VPS26C: variants seen among roughly 807,000 people sequenced by gnomAD.
VPS26C encodes vacuolar protein sorting-associated protein 26C.
In VPS26C, 19 loss-of-function variants were observed where a neutral mutation model predicts 30.6. The observed-to-expected ratio is 0.62, with a 90% CI of 0.43 to 0.91. VPS26C has a LOEUF of 0.91. Among genes scored for constraint, VPS26C ranks in the 40% least tolerant of loss-of-function variants. The pLI, the probability that VPS26C is intolerant of heterozygous loss-of-function variation, is 0.00. For missense variants in VPS26C, 318 were observed against 385.1 expected (o/e 0.83, Z 1.46); for synonymous variants, 132 against 151.5 (o/e 0.87, Z 0.95).
upstream of VPS26C, chr21:37,267,797 T>C (rs564764414): frequency 1.6e-3 from 271 of 174,572 alleles, no homozygotes; most frequent in Non-Finnish European, 2.9e-3. Flanking sequence ...TGGTAATGCC[T>C]GCCCTCCTCA....
At chr21:37,241,815 C>A (rs2086090772) in intron 1 of VPS26C, among the ~76,000 whole-genome samples, 1 of 152,126 alleles carries the variant, frequency 6.6e-6, no homozygotes, top group African/African-American at 2.4e-5. Flanking sequence ...GAGCAAAACC[C>A]TATCTCAAAA....
At chr21:37,264,095 AG>A (rs1257400751) in intron 1 of VPS26C, among the ~76,000 whole-genome samples, 1 of 152,184 alleles carries the variant, frequency 6.6e-6, no homozygotes, top group African/African-American at 2.4e-5. Flanking sequence ...CTAGCACATG[AG>A]TCATGGGCAC....
At chr21:37,237,907 A>G (rs573166899) in intron 3 of VPS26C, among the ~76,000 whole-genome samples, 2 of 152,326 alleles carry the variant, frequency 1.3e-5, no homozygotes, top group South Asian at 2.1e-4. Context: ...TTTCTGCTGC[A>G]TAAAGGAAAG....
chr21:37,232,547 T>G, intron 4 of VPS26C, 96 bp from the exon 5 acceptor site: 3 of 1,028,650 alleles, frequency 2.9e-6, no homozygotes, highest in African/African-American at 1.6e-5. Flanking sequence ...AACGGCAGCC[T>G]GGCGATGCAG....
upstream of VPS26C, chr21:37,267,400 G>A (rs370620632): frequency 5.5e-5 from 56 of 1,011,168 alleles, no homozygotes; most frequent in Non-Finnish European, 7.8e-5. Flanking sequence ...CCTCTCTGCC[G>A]GCAGTGGCTC....
intron 1 of VPS26C, among the ~76,000 whole-genome samples, chr21:37,248,574 A>G (rs571717594): frequency 1.8e-4 from 28 of 152,124 alleles, no homozygotes; most frequent in African/African-American, 6.5e-4. Context: ...ATGAAATCCA[A>G]GCAAATCAAT....
chr21:37,247,798 C>T (rs1350621251), intron 1 of VPS26C, among the ~76,000 whole-genome samples: 3 of 152,184 alleles, frequency 2.0e-5, no homozygotes, highest in Non-Finnish European at 2.9e-5. Context: ...ACCTTAATAT[C>T]AGACAATGCT....
At chr21:37,266,394 A>G (rs759040869) in intron 1 of VPS26C, among the ~76,000 whole-genome samples, 6 of 152,186 alleles carry the variant, frequency 3.9e-5, no homozygotes, top group Non-Finnish European at 7.3e-5. Context: ...ACTGCGATCA[A>G]TTTTATTCCA....
chr21:37,228,860 C>A, intron 5 of VPS26C: 1 of 154,392 alleles, frequency 6.5e-6, no homozygotes, highest in South Asian at 2.0e-4. Context: ...AGCAAGACCC[C>A]ATCTCTAAAA....
At chr21:37,231,341 T>G (rs16994844) in intron 5 of VPS26C, among the ~76,000 whole-genome samples, 6,240 of 152,252 alleles carry the variant, frequency 0.041, 200 homozygotes, top group African/African-American at 0.077. Context: ...TGTCTAGAAA[T>G]GAATCACATT....
chr21:37,266,968 G>T (rs369181934), intron 1 of VPS26C: 2 of 514,414 alleles, frequency 3.9e-6, no homozygotes, highest in Non-Finnish European at 3.5e-6. Context: ...TGGGAAGAGC[G>T]CAGCCCCGGA....
intron 1 of VPS26C, among the ~76,000 whole-genome samples, chr21:37,246,917 C>G (rs1233081491): frequency 6.6e-6 from 1 of 152,076 alleles, no homozygotes; most frequent in African/African-American, 2.4e-5. Flanking sequence ...ACCACCACAC[C>G]CAGCTAATTT....
intron 5 of VPS26C, chr21:37,232,071 G>A (rs1185130389): frequency 5.5e-6 from 2 of 361,072 alleles, no homozygotes; most frequent in East Asian, 4.8e-5. Flanking sequence ...ATGAAGGGAC[G>A]TGGCCGTGTC....
chr21:37,227,382 G>T, intron 7 of VPS26C: 1 of 468,468 alleles, frequency 2.1e-6, no homozygotes, highest in Non-Finnish European at 3.9e-6. Flanking sequence ...CTACACTGAT[G>T]TGGGTCTGTG....
At chr21:37,267,628 C>G (rs1447860477), upstream of VPS26C, 3 of 334,640 alleles carry the variant, frequency 9.0e-6, no homozygotes, top group Admixed American at 4.8e-5. Flanking sequence ...TCCGGGTTAG[C>G]GGAGGGAGGG....
chr21:37,249,073 A>C (rs1459113454), intron 1 of VPS26C, among the ~76,000 whole-genome samples: 1 of 152,190 alleles, frequency 6.6e-6, no homozygotes, highest in Non-Finnish European at 1.5e-5. Flanking sequence ...TAGTAAAATA[A>C]TAGAAGGATG....
intron 1 of VPS26C, among the ~76,000 whole-genome samples, chr21:37,248,340 T>A (rs1438013003): frequency 9.4e-6 from 1 of 106,426 alleles, no homozygotes; most frequent in African/African-American, 3.6e-5. Context: ...CTTCTGGGGG[T>A]GGGGGGAGGG....
At chr21:37,258,726 G>A (rs1403369858) in intron 1 of VPS26C, among the ~76,000 whole-genome samples, 1 of 152,100 alleles carries the variant, frequency 6.6e-6, no homozygotes, top group Non-Finnish European at 1.5e-5. Flanking sequence ...GTGGCCGAGG[G>A]AGATCTAGCA....
chr21:37,247,965 G>T (rs1321512848), intron 1 of VPS26C, among the ~76,000 whole-genome samples: 2 of 152,114 alleles, frequency 1.3e-5, no homozygotes, highest in Non-Finnish European at 2.9e-5. Flanking sequence ...GAGCCCAGGA[G>T]TTTGAGACCA....
Sources: allele counts gnomAD v4.1 joint callset (sites outside exome capture counted in the v4.1 genomes callset), GRCh38; gene constraint gnomAD v4.1.1; transcripts MANE v1.5; gene names NCBI Gene and HGNC (gene_info 2026-07-23, HGNC 2026-07-21).